The following TMEM132D variants were observed in gnomAD, a reference collection of about 807,000 sequenced individuals.
TMEM132D encodes the protein mature OL transmembrane protein.
In TMEM132D, 21 loss-of-function variants were observed where a neutral mutation model predicts 62.3. The observed-to-expected ratio is 0.34, with a 90% CI of 0.24 to 0.49. The LOEUF (loss-of-function observed/expected upper bound fraction) is 0.49, where lower values mean the gene tolerates loss of function less well. Ranked by LOEUF, TMEM132D falls within the 20% of genes least tolerant of loss-of-function variation. TMEM132D has a pLI of 0.99. For missense variants in TMEM132D, 1,346 were observed against 1,402.8 expected (o/e 0.96, Z 0.65); for synonymous variants, 621 against 575.6 (o/e 1.08, Z -1.13).
chr12:129,210,968 T>C (rs1404568323), intron 4 of TMEM132D: 1 of 152,230 alleles, frequency 6.6e-6, no homozygotes, highest in African/African-American at 2.4e-5. Flanking sequence ...TCTAGAATTC[T>C]TGTGATTTTT....
chr12:129,084,373 T>G (rs1392773053), intron 6 of TMEM132D, 124 bp downstream of exon 6: 2 of 955,158 alleles, frequency 2.1e-6, no homozygotes, highest in East Asian at 5.8e-5. Context: ...AAATCCAAGC[T>G]GAGCGGTGGA....
rs146146628 is a variant in TMEM132D, at chr12:129,503,278, T to C, written c.1115+27781A>G. 1.7e-4 allele frequency among the ~76,000 whole-genome samples: 26 copies of C among 152,180 alleles called. 1 individual carries two copies. The East Asian group carries it at 4.4e-3, about 26-fold the overall frequency. On this transcript the variant is annotated intron_variant, in intron 3 of 8. Coordinates refer to ENST00000422113, the MANE Select transcript of TMEM132D (RefSeq NM_133448.3). The stretch of plus-strand genomic sequence containing the variant: ...ACATGTAGAAAGTCGACAGAAGAAA[T>C]CTAAAGAGTCCACAAAACTATATAA...
intron 5 of TMEM132D, among the ~76,000 whole-genome samples, chr12:129,148,955 TC>T (rs1434500512): frequency 6.6e-6 from 1 of 152,130 alleles, no homozygotes; most frequent in Non-Finnish European, 1.5e-5. Flanking sequence ...GGAGGTGTTC[TC>T]CAGCGTGGGT....
chr12:129,353,355 G>C (rs1165159762), intron 3 of TMEM132D, among the ~76,000 whole-genome samples: 1 of 152,126 alleles, frequency 6.6e-6, no homozygotes, highest in African/African-American at 2.4e-5. Flanking sequence ...AGATGTCTGT[G>C]AGAATGAATA....
intron 1 of TMEM132D, among the ~76,000 whole-genome samples, chr12:129,899,802 T>C (rs1875291575): frequency 1.3e-5 from 2 of 152,188 alleles, no homozygotes; most frequent in Non-Finnish European, 2.9e-5. Context: ...AAAACAAAAC[T>C]TAGTGGTCTC....
intron 2 of TMEM132D, chr12:129,682,789 G>A (rs991147981): frequency 6.7e-6 from 1 of 150,250 alleles, no homozygotes; most frequent in Non-Finnish European, 1.5e-5. Flanking sequence ...GACCCAGGAG[G>A]TGGAGCTTGC....
At chr12:129,186,239 A>G (rs1006061207) in intron 5 of TMEM132D, among the ~76,000 whole-genome samples, 2 of 152,202 alleles carry the variant, frequency 1.3e-5, no homozygotes, top group Non-Finnish European at 2.9e-5. Flanking sequence ...GTGCATCTCC[A>G]GCTCACATCC....
chr12:129,452,695 A>C (rs1873333066), intron 3 of TMEM132D, among the ~76,000 whole-genome samples: 1 of 149,894 alleles, frequency 6.7e-6, no homozygotes, highest in Non-Finnish European at 1.5e-5. Context: ...GGAAGAAAAA[A>C]AGAAGAAAAG....
chr12:129,261,414 T>G (rs1164513326), intron 4 of TMEM132D, among the ~76,000 whole-genome samples: 2 of 152,208 alleles, frequency 1.3e-5, no homozygotes, highest in Non-Finnish European at 2.9e-5. Context: ...GCACATGCTC[T>G]CTTGCCTGCT....
chr12:129,288,679 T>A (rs1219420795), intron 4 of TMEM132D, among the ~76,000 whole-genome samples: 3 of 152,186 alleles, frequency 2.0e-5, no homozygotes, highest in Non-Finnish European at 4.4e-5. Flanking sequence ...GCAGCTGCTA[T>A]GCAAAACGGT....
chr12:129,081,915 G>T lies in TMEM132D; in HGVS notation c.1767C>A (p.Gly589=), dbSNP rs1221385997. Reference sequence around the variant, plus strand: ...GCAGGTGGGCCAGGTGTCCCCCAGGGCCGGCCGCCTCAGCCACAAACTGCG... The same window carrying T: ...GCAGGTGGGCCAGGTGTCCCCCAGGTCCGGCCGCCTCAGCCACAAACTGCG... ...VLTQFVAEAA[G]PGGHLAHLLG... is the part of the protein sequence containing the mutation. The change falls in exon 7 of 9, where the codon GGC becomes GGA. Residue 589 remains glycine (G), a synonymous_variant. Coordinates refer to ENST00000422113, the MANE Select transcript of TMEM132D (RefSeq NM_133448.3). The T allele has an allele frequency of 1.2e-6, 2 of 1,614,028 alleles. No homozygotes were observed. The highest frequency in any genetic ancestry group is 1.7e-6 in the Non-Finnish European group (2 of 1,180,014).
intron 3 of TMEM132D, among the ~76,000 whole-genome samples, chr12:129,496,501 C>T (rs1415908295): frequency 5.9e-5 from 9 of 151,888 alleles, no homozygotes; most frequent in South Asian, 4.2e-4. Flanking sequence ...TAATATTCAA[C>T]GTGGGAAGTG....
chr12:129,203,810 C>T (rs1015815894), intron 5 of TMEM132D, among the ~76,000 whole-genome samples: 1 of 152,252 alleles, frequency 6.6e-6, no homozygotes, highest in Non-Finnish European at 1.5e-5. Context: ...TAGGACCAAC[C>T]TGGTAAGTAT....
intron 3 of TMEM132D, among the ~76,000 whole-genome samples, chr12:129,463,950 T>G (rs1873785829): frequency 6.7e-6 from 1 of 150,236 alleles, no homozygotes; most frequent in Admixed American, 6.7e-5. Context: ...TGCATGTGTC[T>G]TTATAGCAGC....
At chr12:129,736,615 G>GA (rs5801879) in intron 1 of TMEM132D, among the ~76,000 whole-genome samples, 99,603 of 151,170 alleles carry the variant, frequency 0.66, 32,936 homozygotes, top group Middle Eastern at 0.75. Flanking sequence ...TTATAGTATT[G>GA]AAAAAAAAAC....
intron 3 of TMEM132D, among the ~76,000 whole-genome samples, chr12:129,481,671 G>A (rs993262317): frequency 6.6e-5 from 10 of 152,288 alleles, no homozygotes; most frequent in South Asian, 2.1e-4. Flanking sequence ...CATTTGCTAT[G>A]AGCATCAATT....
chr12:129,838,255 A>C (rs778256972), intron 1 of TMEM132D, among the ~76,000 whole-genome samples: 8 of 152,220 alleles, frequency 5.3e-5, no homozygotes, highest in Non-Finnish European at 1.0e-4. Flanking sequence ...CCCAGGTATG[A>C]CCAAGGAAAA....
chr12:129,781,389 G>A (rs558683928), intron 1 of TMEM132D, among the ~76,000 whole-genome samples: 16 of 152,202 alleles, frequency 1.1e-4, no homozygotes, highest in East Asian at 5.8e-4. Flanking sequence ...TACGTTAATC[G>A]GGGTACCATA....
At chr12:129,716,910 T>C (rs1022521522) in intron 1 of TMEM132D, among the ~76,000 whole-genome samples, 4 of 152,196 alleles carry the variant, frequency 2.6e-5, no homozygotes, top group African/African-American at 7.2e-5. Context: ...TTCATGGTCA[T>C]AGGAATTTGT....
Sources: allele counts gnomAD v4.1 joint callset (sites outside exome capture counted in the v4.1 genomes callset), GRCh38; gene constraint gnomAD v4.1.1; transcripts MANE v1.5; gene names NCBI Gene and HGNC (gene_info 2026-07-23, HGNC 2026-07-21).